Variants in IQSEC2 observed in about 807,000 individuals in gnomAD.
IQSEC2 encodes the protein IQ motif and Sec7 domain ArfGEF 2, also known as IQ motif and SEC7 domain-containing protein 2.
IQSEC2 carries 6 observed loss-of-function variants against 74.6 expected under a neutral mutation model. That is an observed-to-expected ratio of 0.08 (90% CI 0.04 to 0.16). The LOEUF is 0.16. Among genes scored for constraint, IQSEC2 ranks in the 10% least tolerant of loss-of-function variants. IQSEC2 has a pLI of 1.00. For missense variants in IQSEC2, 734 were observed against 1,306.2 expected (o/e 0.56, Z 6.75); for synonymous variants, 494 against 544.5 (o/e 0.91, Z 1.29).
rs1489361098 is a variant in IQSEC2, at chrX:53,233,728, A to G, written c.*491T>C. On this transcript the variant is annotated 3_prime_UTR_variant, in exon 15 of 15. Transcript: ENST00000642864. The stretch of plus-strand genomic sequence containing the variant: ...GTGGCCAGGCCCTGAGGTCAGAGAG[A>G]GGGCCAAGCCAGCTGAAGTTTGGCC... 6 of 292,278 alleles carry G rather than the reference A, an allele frequency of 2.1e-5. No homozygotes were observed. Among genetic ancestry groups the G allele is most frequent in the Non-Finnish European group, 3.6e-5 (6 of 167,836 alleles). The allele number at this position is 292,278 out of a possible 1,213,427, so 24.1% of individuals were successfully genotyped here.
chrX:53,316,532 G>C (rs1287800550), intron 1 of IQSEC2, among the ~76,000 whole-genome samples: 1 of 110,970 alleles, frequency 9.0e-6, no homozygotes, highest in African/African-American at 3.3e-5. Context: ...CACTGCCCTA[G>C]CTGTCAAGAA....
chrX:53,279,559 C>T, intron 2 of IQSEC2: 1 of 1,151,729 alleles, frequency 8.7e-7, no homozygotes, highest in Non-Finnish European at 1.2e-6. Context: ...GGGTCTAGCT[C>T]TTACCTGCTC....
chrX:53,261,687 C>T (rs964175733), intron 2 of IQSEC2, among the ~76,000 whole-genome samples: 1 of 112,001 alleles, frequency 8.9e-6, no homozygotes, highest in African/African-American at 3.2e-5. Context: ...CACACACACA[C>T]GCCCATGTGC....
chrX:53,309,537 G>A (rs1469940119), intron 1 of IQSEC2, among the ~76,000 whole-genome samples: 3 of 111,728 alleles, frequency 2.7e-5, no homozygotes, highest in Non-Finnish European at 5.6e-5. Flanking sequence ...TTGAGAACAG[G>A]AGGTAAGAGA....
At chrX:53,262,374 T>C (rs2074581003) in intron 2 of IQSEC2, among the ~76,000 whole-genome samples, 1 of 111,903 alleles carries the variant, frequency 8.9e-6, no homozygotes, top group Admixed American at 9.4e-5. Context: ...GCAGTTGTCA[T>C]GGAAACGAAT....
chrX:53,311,789 GC>G (rs1170543510), intron 1 of IQSEC2, among the ~76,000 whole-genome samples: 1 of 111,746 alleles, frequency 8.9e-6, no homozygotes, highest in African/African-American at 3.3e-5. Context: ...AGTGGCACAC[GC>G]CTGTAATCCC....
At chrX:53,230,827 G>A (rs1442422559), downstream of IQSEC2, 1 of 112,025 alleles carries the variant, frequency 8.9e-6, no homozygotes, top group Non-Finnish European at 1.9e-5. Flanking sequence ...AAATGGGGAG[G>A]TGAGGAGATG....
intron 10 of IQSEC2, among the ~76,000 whole-genome samples, chrX:53,241,500 T>C (rs2147047477): frequency 9.0e-6 from 1 of 111,599 alleles, no homozygotes; most frequent in South Asian, 3.8e-4. Flanking sequence ...GCTATTGAGG[T>C]GGACAGGGAT....
At chrX:53,291,769 C>T in intron 2 of IQSEC2, 126 bp downstream of exon 2, 2 of 578,851 alleles carry the variant, frequency 3.5e-6, no homozygotes, top group Non-Finnish European at 5.4e-6. Context: ...CCCCTAATAC[C>T]AACAGGGAAG....
intron 2 of IQSEC2, among the ~76,000 whole-genome samples, chrX:53,287,648 T>C (rs1455513660): frequency 1.8e-5 from 2 of 112,177 alleles, no homozygotes; most frequent in Non-Finnish European, 3.8e-5. Flanking sequence ...GCAGCCTCCC[T>C]CCCCAGCTGC....
At chrX:53,266,886 T>C (rs2074667013) in intron 2 of IQSEC2, 7 of 554,838 alleles carry the variant, frequency 1.3e-5, no homozygotes, top group Non-Finnish European at 1.7e-5. Context: ...TGGGGGAATC[T>C]GCGGGGGGGT....
At chrX:53,308,163 CAAAAAAAA>C (rs142766855) in intron 1 of IQSEC2, among the ~76,000 whole-genome samples, 1 of 37,775 alleles carries the variant, frequency 2.6e-5, no homozygotes, top group Non-Finnish European at 4.3e-5. Context: ...GACTCCATCT[CAAAAAAAA>C]AAAAAAAAAA....
intron 10 of IQSEC2, among the ~76,000 whole-genome samples, chrX:53,240,814 G>T (rs782341845): frequency 1.0e-5 from 1 of 99,758 alleles, no homozygotes; most frequent in African/African-American, 3.8e-5. Flanking sequence ...TTCACTTGTC[G>T]CCCAGGCTGG....
Position 53,233,593 on chromosome X carries a change from C to G in IQSEC2, c.*626G>C. The G allele has an allele frequency of 4.7e-6, 1 of 210,943 alleles. No individual in the cohort carries two copies. Among genetic ancestry groups the G allele is most frequent in the Non-Finnish European group, 8.7e-6 (1 of 115,501 alleles). The allele number at this position is 210,943 out of a possible 1,213,427, so 17.4% of individuals were successfully genotyped here. The stretch of plus-strand genomic sequence containing the variant: ...CTACTGGAGAAAGGGCATAGACTGG[C>G]TCGAGAGAGGAAGCACTGCCCCACG... On this transcript the variant is annotated 3_prime_UTR_variant, in exon 15 of 15. Transcript: ENST00000642864.
intron 1 of IQSEC2, among the ~76,000 whole-genome samples, chrX:53,318,494 G>C (rs1556879589): frequency 8.9e-6 from 1 of 112,076 alleles, no homozygotes; most frequent in Admixed American, 9.4e-5. Context: ...TGGAGAGCCA[G>C]AGTCATGGAA....
chrX:53,253,931 A>T (rs782300836), intron 4 of IQSEC2, among the ~76,000 whole-genome samples: 9 of 112,282 alleles, frequency 8.0e-5, no homozygotes, highest in Admixed American at 1.9e-4. Flanking sequence ...TCAAGTTCCA[A>T]GTAGTGAGAA....
intron 14 of IQSEC2, 124 bp downstream of exon 14, chrX:53,235,659 G>T: frequency 1.5e-6 from 1 of 688,841 alleles, no homozygotes; most frequent in Admixed American, 2.7e-5. Context: ...TGGTTGGCTG[G>T]GAGAGGCAGC....
Position 53,254,786 on chromosome X carries a change from C to T in IQSEC2, c.1145G>A (p.Arg382His). 1 of 1,203,711 alleles carries T rather than the reference C, an allele frequency of 8.3e-7. No individual in the cohort carries two copies. Among genetic ancestry groups the T allele is most frequent in the Non-Finnish European group, 1.1e-6 (1 of 891,124 alleles). ...CATCCGCATGTTGGAAAGGATGATG[C>T]GGCGGGACATGCGGCTCTCTGAGGC... ...SSASESRMSR[R>H]IILSNMRMQF... The change falls in exon 4 of 15, where the codon CGC (arginine) becomes CAC (histidine). Residue 382 changes from arginine (R) to histidine (H), a missense_variant. Arg to His is a conservative substitution (Grantham distance 29, BLOSUM62 0). This residue lies in a region of IQSEC2 where 17 missense variants were observed against 60.3 expected (regional missense o/e 0.28). Coordinates refer to ENST00000642864, the MANE Select transcript of IQSEC2 (RefSeq NM_001111125.3).
chrX:53,232,210 T>C (rs2074067779), downstream of IQSEC2, among the ~76,000 whole-genome samples: 1 of 112,148 alleles, frequency 8.9e-6, no homozygotes, highest in Admixed American at 9.4e-5. Context: ...GACTCTTCCC[T>C]TCTCTCAGCC....
Sources: allele counts gnomAD v4.1 joint callset (sites outside exome capture counted in the v4.1 genomes callset), GRCh38; gene constraint gnomAD v4.1.1; regional missense constraint gnomAD v4.1.1; transcripts MANE v1.5; gene names NCBI Gene and HGNC (gene_info 2026-07-23, HGNC 2026-07-21).